The following SLCO2A1 variants were observed in gnomAD, a reference collection of about 807,000 sequenced individuals.
The protein encoded by SLCO2A1 is solute carrier organic anion transporter family member 2A1, also known as matrin F/G 1.
SLCO2A1 carries 60 observed loss-of-function variants against 71.7 expected under a neutral mutation model. That is an observed-to-expected ratio of 0.84 (90% confidence interval 0.68 to 1.04). SLCO2A1 has a LOEUF of 1.04. SLCO2A1 is among the 50% of genes least tolerant of loss of function. SLCO2A1 has a pLI of 0.00. For synonymous variants in SLCO2A1, 308 were observed against 326.7 expected (o/e 0.94, Z 0.62); for missense variants, 745 against 813.4 (o/e 0.92, Z 1.02).
At chr3:133,942,888 T>C in intron 10 of SLCO2A1, 120 bp from the exon 11 acceptor site, 1 of 1,105,868 alleles carries the variant, frequency 9.0e-7, no homozygotes, top group Non-Finnish European at 1.2e-6. Context: ...GTCCTCTGGG[T>C]CTGGTTCCCA....
At chr3:133,968,175 T>C (rs894885930) in intron 3 of SLCO2A1, among the ~76,000 whole-genome samples, 1 of 145,908 alleles carries the variant, frequency 6.9e-6, no homozygotes, top group African/African-American at 2.5e-5. Context: ...CATCCCCACA[T>C]GCCCCCCACA....
rs1231030885 is a variant in SLCO2A1 at position 133,948,573 on chromosome 3, C to A, written c.1068G>T (p.Gln356His). 1 of 1,614,130 alleles carries A rather than the reference C, an allele frequency of 6.2e-7. No individual in the cohort carries two copies. Residue 356 changes from glutamine to histidine, a missense_variant, in exon 8 of 14, where the codon CAG becomes CAT. Gln to His is a conservative substitution (Grantham distance 24, BLOSUM62 0). Transcript: ENST00000310926. ...STFLNKFLEK[Q>H]YGTSAAYANF... ...TGGCATAGGCTGCTGAGGTGCCATACTGCTTCTCCAGGAACTTGTTGAGGA... is the reference window on the plus strand; with the variant it reads ...TGGCATAGGCTGCTGAGGTGCCATAATGCTTCTCCAGGAACTTGTTGAGGA...
At position 133,979,609 on chromosome 3, in the gene SLCO2A1, G is replaced by A. The variant is rs1238005897; in HGVS notation, c.106C>T (p.Leu36Phe). The change falls in exon 2 of 14, where the codon CTC (leucine) becomes TTC (phenylalanine). Residue 36 changes from leucine (L) to phenylalanine (F), a missense_variant. Coordinates refer to ENST00000310926, the MANE Select transcript of SLCO2A1 (RefSeq NM_005630.3). ...SVFGNIKVFV[L>F]CQGLLQLCQL... ...CAGAGCTGCAGGAGGCCTTGGCAGA[G>A]CACAAACACCTGGGGGAAGAGTGAT... The A allele has an allele frequency of 3.1e-6, 5 of 1,611,606 alleles. No homozygotes were observed. In the South Asian group the frequency reaches 3.3e-5, roughly 11 times the overall value.
In SLCO2A1 at chr3:133,979,401, C is replaced by G. The variant is rs536727750; in HGVS notation, c.234+80G>C. On this transcript the variant is annotated intron_variant, in intron 2 of 13. Transcript: ENST00000310926. The stretch of plus-strand genomic sequence containing the variant: ...TGCACCTATGTGCACATCTCAGCCC[C>G]CTGTTCCTCTGCTTCTCCTGGATCT... The G allele has an allele frequency of 3.2e-6, 5 of 1,569,898 alleles. No homozygotes were observed. The Admixed American group carries it at 8.3e-5, about 26-fold the overall frequency.
At chr3:134,029,003 C>T (rs1230549356) in intron 1 of SLCO2A1, among the ~76,000 whole-genome samples, 10 of 152,018 alleles carry the variant, frequency 6.6e-5, no homozygotes. Context: ...AGTGGACCTG[C>T]TTAGACCTTA....
Position 133,942,787 on chromosome 3 carries a change from G to A in SLCO2A1, c.1462-19C>T. On this transcript the variant is annotated intron_variant, in intron 10 of 13. Transcript: ENST00000310926. Reference sequence around the variant, plus strand: ...AATAGATCTTCAAGAGGAAGGGGAGGGAAAAAGGGGGAAATTTGTTATTAT... The same window carrying A: ...AATAGATCTTCAAGAGGAAGGGGAGAGAAAAAGGGGGAAATTTGTTATTAT... 4.5e-6 allele frequency: 7 copies of A among 1,568,380 alleles called. No individual in the cohort carries two copies. Among genetic ancestry groups the A allele is most frequent in the East Asian group, 2.3e-5 (1 of 43,722 alleles).
chr3:134,028,032 G>A lies in SLCO2A1; in HGVS notation c.96+1675C>T, dbSNP rs146938115. On this transcript the variant is annotated intron_variant, in intron 1 of 13. Transcript: ENST00000310926. ...TGGCCTGAGCCCAGCCCTCAGGTAC[G>A]TGTGGTTAAATCATCAACACATGAG... Among the ~76,000 whole-genome samples, 26 of 152,330 alleles carry A rather than the reference G, an allele frequency of 1.7e-4. No individual in the cohort carries two copies. The East Asian group carries it at 3.3e-3, about 19-fold the overall frequency.
chr3:134,002,940 T>C (rs1935133531), intron 1 of SLCO2A1, among the ~76,000 whole-genome samples: 1 of 152,196 alleles, frequency 6.6e-6, no homozygotes, highest in Admixed American at 6.5e-5. Flanking sequence ...AATTCCTTTA[T>C]TTCTCTGTAC....
chr3:133,998,052 GA>G (rs1935012527), intron 1 of SLCO2A1, among the ~76,000 whole-genome samples: 2 of 152,170 alleles, frequency 1.3e-5, no homozygotes, highest in Non-Finnish European at 2.9e-5. Context: ...CCTTCAGCAA[GA>G]GCCGCCTCCT....
At chr3:133,962,624 C>G (rs1292028807) in intron 3 of SLCO2A1, among the ~76,000 whole-genome samples, 2 of 152,180 alleles carry the variant, frequency 1.3e-5, no homozygotes, top group East Asian at 3.9e-4. Flanking sequence ...CCACACCTCT[C>G]CTCCCTGGAG....
intron 1 of SLCO2A1, among the ~76,000 whole-genome samples, chr3:133,998,323 C>T (rs971835432): frequency 2.0e-5 from 3 of 152,190 alleles, no homozygotes; most frequent in African/African-American, 7.2e-5. Context: ...TTCCTTAATT[C>T]GTCTGTTACT....
chr3:133,960,176 A>G (rs1934004000), intron 3 of SLCO2A1, among the ~76,000 whole-genome samples: 1 of 152,152 alleles, frequency 6.6e-6, no homozygotes, highest in Admixed American at 6.5e-5. Context: ...AGATAGAATC[A>G]TCATATGATC....
intron 1 of SLCO2A1, among the ~76,000 whole-genome samples, chr3:133,980,356 G>C (rs560094735): frequency 6.7e-6 from 1 of 148,872 alleles, no homozygotes; most frequent in South Asian, 2.2e-4. Flanking sequence ...CCTCGTACCT[G>C]GTCCTGGGGT....
intron 3 of SLCO2A1, among the ~76,000 whole-genome samples, chr3:133,970,437 C>G (rs1444181288): frequency 6.6e-6 from 1 of 152,240 alleles, no homozygotes; most frequent in African/African-American, 2.4e-5. Context: ...GCATTTGTTC[C>G]TGACGACCTT....
Position 133,934,676 on chromosome 3 carries a change from T to A in SLCO2A1, c.*37A>T. 1 of 1,408,498 alleles carries A rather than the reference T, an allele frequency of 7.1e-7. No homozygotes were observed. The highest frequency in any genetic ancestry group is 1.0e-6 in the Non-Finnish European group (1 of 994,022). The allele number at this position is 1,408,498 out of a possible 1,614,324, so 87.3% of individuals were successfully genotyped here. A position where few individuals can be genotyped will look rare whatever the true frequency, so the allele number is the denominator to read the frequency against. On this transcript the variant is annotated 3_prime_UTR_variant, in exon 14 of 14. Transcript: ENST00000310926. ...ATAGGCAGGTGTGGAAGAGTCAAGGTCCACTCTCTGGAGCAGGGCAGTGGC... is the reference window on the plus strand; with the variant it reads ...ATAGGCAGGTGTGGAAGAGTCAAGGACCACTCTCTGGAGCAGGGCAGTGGC...
intron 4 of SLCO2A1, among the ~76,000 whole-genome samples, chr3:133,954,054 G>A (rs942783661): frequency 6.6e-6 from 1 of 151,992 alleles, no homozygotes; most frequent in Non-Finnish European, 1.5e-5. Context: ...TGGGTACGAT[G>A]CTGGGGGCCC....
chr3:134,024,762 T>G (rs982747713), intron 1 of SLCO2A1, among the ~76,000 whole-genome samples: 2 of 152,212 alleles, frequency 1.3e-5, no homozygotes, highest in African/African-American at 4.8e-5. Context: ...GTAACTTTAA[T>G]GACTACCAAA....
chr3:134,017,677 G>A (rs760881997), intron 1 of SLCO2A1, among the ~76,000 whole-genome samples: 13 of 152,300 alleles, frequency 8.5e-5, no homozygotes, highest in South Asian at 4.2e-4. Flanking sequence ...GAAGGCCAGC[G>A]CCGCCACAGG....
At chr3:133,979,757 A>G in intron 1 of SLCO2A1, 139 bp from the exon 2 acceptor site, 1 of 875,970 alleles carries the variant, frequency 1.1e-6, no homozygotes, top group African/African-American at 1.7e-5. Flanking sequence ...CAGGGTCTCC[A>G]GGATGAAACG....
Sources: gnomAD v4.1 joint callset for allele counts (sites outside exome capture counted in the v4.1 genomes callset) on GRCh38, gnomAD v4.1.1 for gene constraint, MANE v1.5 for transcripts, NCBI Gene and HGNC (gene_info 2026-07-23, HGNC 2026-07-21) for gene names.